FBXL17: variants seen among roughly 807,000 people sequenced by gnomAD.
The protein encoded by FBXL17 is F-box/LRR-repeat protein 17.
In FBXL17, 22 loss-of-function variants were observed where a neutral mutation model predicts 66.2. The ratio of observed to expected loss-of-function variants is 0.33; its 90% CI spans 0.24 to 0.47. The LOEUF is 0.47. FBXL17 is among the 20% of genes least tolerant of loss of function. The pLI is 1.00. For synonymous variants in FBXL17, 474 were observed against 400.5 expected (o/e 1.18, Z -2.19); for missense variants, 878 against 948.2 (o/e 0.93, Z 0.97).
At chr5:108,297,499 T>C (rs1291556901) in intron 4 of FBXL17, among the ~76,000 whole-genome samples, 1 of 151,658 alleles carries the variant, frequency 6.6e-6, no homozygotes, top group Non-Finnish European at 1.5e-5. Context: ...TAAAATTATT[T>C]TCAGACTATG....
chr5:107,939,940 G>A (rs1008149925), intron 7 of FBXL17, among the ~76,000 whole-genome samples: 1 of 152,058 alleles, frequency 6.6e-6, no homozygotes, highest in African/African-American at 2.4e-5. Flanking sequence ...AATTCTTACA[G>A]TTCCATCCAG....
chr5:108,325,771 T>C (rs1020465100), intron 4 of FBXL17, among the ~76,000 whole-genome samples: 5 of 152,050 alleles, frequency 3.3e-5, no homozygotes, highest in African/African-American at 1.2e-4. Flanking sequence ...ATAAAAGCGT[T>C]AGGATTAGAG....
At chr5:108,263,332 A>G (rs993462038) in intron 4 of FBXL17, among the ~76,000 whole-genome samples, 1 of 152,226 alleles carries the variant, frequency 6.6e-6, no homozygotes, top group African/African-American at 2.4e-5. Flanking sequence ...GAAAAAAACT[A>G]TCATTATTTT....
intron 4 of FBXL17, among the ~76,000 whole-genome samples, chr5:108,235,289 C>T (rs1755547621): frequency 6.6e-6 from 1 of 152,218 alleles, no homozygotes; most frequent in South Asian, 2.1e-4. Flanking sequence ...AAAACATATA[C>T]TTCTAATCCT....
intron 7 of FBXL17, among the ~76,000 whole-genome samples, chr5:107,976,672 C>T (rs1309685714): frequency 6.6e-6 from 1 of 152,134 alleles, no homozygotes; most frequent in Non-Finnish European, 1.5e-5. Flanking sequence ...GAACACATTT[C>T]ATTTTTTAAA....
intron 6 of FBXL17, among the ~76,000 whole-genome samples, chr5:108,147,669 C>A (rs1751611689): frequency 1.3e-5 from 2 of 152,148 alleles, no homozygotes; most frequent in South Asian, 4.1e-4. Context: ...AGAATGTTGA[C>A]AAATGATGAA....
At chr5:108,045,950 T>C (rs1426991220) in intron 6 of FBXL17, among the ~76,000 whole-genome samples, 2 of 152,228 alleles carry the variant, frequency 1.3e-5, no homozygotes, top group Non-Finnish European at 2.9e-5. Context: ...GGTTGGAGTG[T>C]TCTATAAAAA....
At chr5:108,375,271 G>C (rs1298267029) in intron 1 of FBXL17, among the ~76,000 whole-genome samples, 2 of 151,898 alleles carry the variant, frequency 1.3e-5, no homozygotes, top group African/African-American at 4.8e-5. Context: ...AAGAGGGAAA[G>C]TCACTTGAGC....
At chr5:108,202,306 T>C (rs573631978) in intron 5 of FBXL17, among the ~76,000 whole-genome samples, 7 of 152,202 alleles carry the variant, frequency 4.6e-5, no homozygotes, top group East Asian at 1.9e-4. Flanking sequence ...GAAATGAAAA[T>C]GTAGCACAAA....
intron 5 of FBXL17, among the ~76,000 whole-genome samples, chr5:108,188,423 G>A (rs1467484348): frequency 6.6e-6 from 1 of 152,170 alleles, no homozygotes; most frequent in African/African-American, 2.4e-5. Flanking sequence ...TCTGCAATTG[G>A]CTTATCAGGT....
At chr5:108,020,896 A>C (rs1472943037) in intron 7 of FBXL17, 29 bp downstream of exon 7, 1 of 1,471,464 alleles carries the variant, frequency 6.8e-7, no homozygotes, top group Admixed American at 1.7e-5. Flanking sequence ...TATTCTTAGA[A>C]AGGATTAGGA....
intron 7 of FBXL17, among the ~76,000 whole-genome samples, chr5:107,985,845 C>A (rs1178208922): frequency 6.6e-6 from 1 of 152,048 alleles, no homozygotes; most frequent in Non-Finnish European, 1.5e-5. Flanking sequence ...TCAAAATAAT[C>A]CAGTGTGTGG....
intron 7 of FBXL17, among the ~76,000 whole-genome samples, chr5:107,985,773 T>TC (rs1752990762): frequency 6.6e-6 from 1 of 152,182 alleles, no homozygotes; most frequent in Admixed American, 6.6e-5. Context: ...AGGCAAATGG[T>TC]CAACTATTTA....
chr5:108,132,903 C>T (rs1750991440), intron 6 of FBXL17, among the ~76,000 whole-genome samples: 1 of 152,096 alleles, frequency 6.6e-6, no homozygotes, highest in African/African-American at 2.4e-5. Flanking sequence ...ATCAGTTTAC[C>T]TCTAACCTGG....
intron 6 of FBXL17, among the ~76,000 whole-genome samples, chr5:108,055,759 T>C (rs1013400991): frequency 2.0e-5 from 3 of 152,050 alleles, no homozygotes; most frequent in Admixed American, 6.5e-5. Context: ...AATTATCTTT[T>C]GTTATTCTTC....
chr5:107,977,636 A>C (rs1752632051), intron 7 of FBXL17, among the ~76,000 whole-genome samples: 1 of 152,162 alleles, frequency 6.6e-6, no homozygotes, highest in South Asian at 2.1e-4. Context: ...TCTTCACCTG[A>C]AATCTATGGA....
chr5:108,240,523 A>G (rs1192852364), intron 4 of FBXL17, among the ~76,000 whole-genome samples: 8 of 152,280 alleles, frequency 5.3e-5, no homozygotes, highest in Admixed American at 5.2e-4. Context: ...TGGCTTGGGT[A>G]CCAGCTCAAC....
intron 4 of FBXL17, among the ~76,000 whole-genome samples, chr5:108,311,080 G>C (rs563620804): frequency 7.9e-4 from 121 of 152,284 alleles, no homozygotes; most frequent in Middle Eastern, 3.4e-3. Flanking sequence ...GGAAAAGTAA[G>C]TGTCACTGAA....
At chr5:108,343,595 T>C (rs1313747935) in intron 4 of FBXL17, among the ~76,000 whole-genome samples, 4 of 152,210 alleles carry the variant, frequency 2.6e-5, no homozygotes, top group African/African-American at 9.6e-5. Flanking sequence ...TTATTAACTC[T>C]ATGGTGAACA....
Sources: gnomAD v4.1 joint callset for allele counts (sites outside exome capture counted in the v4.1 genomes callset) on GRCh38, gnomAD v4.1.1 for gene constraint, MANE v1.5 for transcripts, NCBI Gene and HGNC (gene_info 2026-07-23, HGNC 2026-07-21) for gene names.